Variants in EYS observed in about 807,000 individuals in gnomAD.
The protein encoded by EYS is protein eyes shut homolog.
A neutral mutation model predicts 282.1 loss-of-function variants in EYS; 250 were observed. That is an observed-to-expected ratio of 0.89 (90% CI 0.80 to 0.98). EYS has a LOEUF of 0.98. Ranked by LOEUF, EYS falls within the 50% of genes least tolerant of loss-of-function variation. The probability of loss-of-function intolerance (pLI) is 0.00; values close to 1 mark genes in which losing one functional copy is unlikely to be tolerated. For synonymous variants in EYS, 1,355 were observed against 1,282.9 expected (o/e 1.06, Z -1.20); for missense variants, 4,016 against 3,709.0 (o/e 1.08, Z -2.15).
chr6:65,482,962 T>G (rs1765658534), intron 5 of EYS, among the ~76,000 whole-genome samples: 1 of 152,198 alleles, frequency 6.6e-6, no homozygotes, highest in East Asian at 1.9e-4. Context: ...ATGTATAGCA[T>G]AATAATTTTA....
chr6:64,742,871 A>G (rs1772421661), intron 22 of EYS, among the ~76,000 whole-genome samples: 1 of 152,176 alleles, frequency 6.6e-6, no homozygotes, highest in African/African-American at 2.4e-5. Context: ...GTTTTGTCAA[A>G]GCTTCTCACA....
At chr6:64,901,317 G>T (rs976574746) in intron 18 of EYS, among the ~76,000 whole-genome samples, 54 of 59,680 alleles carry the variant, frequency 9.0e-4, no homozygotes, top group African/African-American at 4.3e-3. Flanking sequence ...TATATATATA[G>T]GCAGATGCCA....
intron 5 of EYS, among the ~76,000 whole-genome samples, chr6:65,429,177 C>CAA (rs749099731): frequency 1.3e-4 from 16 of 125,616 alleles, no homozygotes; most frequent in African/African-American, 4.6e-4. Flanking sequence ...AAAATCATCT[C>CAA]AAAAAAAAAA....
intron 21 of EYS, among the ~76,000 whole-genome samples, chr6:64,814,041 A>G (rs1764677464): frequency 6.6e-6 from 1 of 152,044 alleles, no homozygotes; most frequent in South Asian, 2.1e-4. Context: ...ACTTAGAACA[A>G]ACATTTCACA....
chr6:64,138,671 A>G (rs1241352733), intron 31 of EYS, among the ~76,000 whole-genome samples: 1 of 152,178 alleles, frequency 6.6e-6, no homozygotes, highest in Non-Finnish European at 1.5e-5. Flanking sequence ...ACCCTAGTTG[A>G]CTAGAGAAAA....
chr6:65,251,773 T>C (rs1416626614), intron 12 of EYS, among the ~76,000 whole-genome samples: 2 of 152,028 alleles, frequency 1.3e-5, no homozygotes, highest in Non-Finnish European at 2.9e-5. Context: ...TAGAGAGTGA[T>C]GGGAGAACTC....
At chr6:64,156,022 A>ATG (rs140713143) in intron 31 of EYS, among the ~76,000 whole-genome samples, 10,598 of 146,886 alleles carry the variant, frequency 0.072, 363 homozygotes, top group African/African-American at 0.083. Context: ...GTGTATGTTT[A>ATG]TGTGTGTGTG....
intron 35 of EYS, among the ~76,000 whole-genome samples, chr6:63,900,869 A>G (rs1004277958): frequency 1.3e-5 from 2 of 152,208 alleles, no homozygotes; most frequent in African/African-American, 4.8e-5. Context: ...GACGTCATAA[A>G]TTTAGGCAAG....
chr6:63,804,013 TTTTTTC>T, intron 37 of EYS, among the ~76,000 whole-genome samples: 1 of 152,072 alleles, frequency 6.6e-6, no homozygotes, highest in Non-Finnish European at 1.5e-5. Flanking sequence ...TACAATGATT[TTTTTTC>T]TTTTTCTTTT....
intron 35 of EYS, among the ~76,000 whole-genome samples, chr6:63,969,641 C>T (rs536153322): frequency 5.3e-5 from 8 of 152,254 alleles, no homozygotes; most frequent in South Asian, 2.1e-4. Context: ...TGAAGATCAA[C>T]GATAAATTAA....
intron 7 of EYS, among the ~76,000 whole-genome samples, chr6:65,398,052 T>G (rs1766353990): frequency 6.6e-6 from 1 of 152,104 alleles, no homozygotes; most frequent in Non-Finnish European, 1.5e-5. Context: ...CTTTTATATC[T>G]TCTTTTAAAA....
chr6:64,687,900 C>A (rs1424963442), intron 22 of EYS, among the ~76,000 whole-genome samples: 1 of 152,002 alleles, frequency 6.6e-6, no homozygotes, highest in Non-Finnish European at 1.5e-5. Context: ...AATTTCAGAG[C>A]CTGTTATTAT....
At chr6:65,249,167 T>C (rs679595) in intron 12 of EYS, among the ~76,000 whole-genome samples, 52,102 of 151,604 alleles carry the variant, frequency 0.34, 10,494 homozygotes, top group African/African-American at 0.56. Flanking sequence ...ACTGATATTT[T>C]TCAGAGTATA....
rs568122107 is a variant in EYS at position 65,490,416 on chromosome 6, T to G, written c.862+178A>C. Reference sequence around the variant, plus strand: ...TGCTATAAAACATTTAGCAGTAATATGATTTAATTGTATTAACCAAATTGA... The same window carrying G: ...TGCTATAAAACATTTAGCAGTAATAGGATTTAATTGTATTAACCAAATTGA... On this transcript the variant is annotated intron_variant, in intron 5 of 42. Transcript: ENST00000503581. 8.3e-5 allele frequency: 43 copies of G among 515,538 alleles called. No homozygotes were observed. The East Asian group carries it at 1.3e-3, about 15-fold the overall frequency. 31.9% of individuals were successfully genotyped at this position (515,538 alleles called of 1,614,324 possible). A position where few individuals can be genotyped will look rare whatever the true frequency, so the allele number is the denominator to read the frequency against.
chr6:65,494,417 A>G (rs1168289420), intron 4 of EYS, among the ~76,000 whole-genome samples: 1 of 151,502 alleles, frequency 6.6e-6, no homozygotes, highest in Non-Finnish European at 1.5e-5. Context: ...AGCTGGGACT[A>G]CAGGCGCCCT....
intron 31 of EYS, among the ~76,000 whole-genome samples, chr6:64,120,263 A>G (rs1190212902): frequency 3.3e-4 from 48 of 145,960 alleles, no homozygotes; most frequent in African/African-American, 1.2e-3. Flanking sequence ...GGCTGAGGCG[A>G]GAGAATGGCG....
At chr6:65,402,347 A>T in intron 7 of EYS, 131 bp downstream of exon 7, 1 of 539,774 alleles carries the variant, frequency 1.9e-6, no homozygotes, top group Non-Finnish European at 3.2e-6. Context: ...AATTTACTTT[A>T]ACTTCAAATA....
intron 31 of EYS, among the ~76,000 whole-genome samples, chr6:64,166,796 C>T (rs1764303522): frequency 6.6e-6 from 1 of 152,122 alleles, no homozygotes; most frequent in African/African-American, 2.4e-5. Flanking sequence ...TAACTGATCC[C>T]AGTTTACCTG....
rs186476665 is a variant in EYS at position 64,554,233 on chromosome 6, T to G, written c.5644+35990A>C. Among the ~76,000 whole-genome samples the G allele has an allele frequency of 6.6e-4, 101 of 152,248 alleles. 1 individual carries two copies. Among genetic ancestry groups the G allele is most frequent in the African/African-American group, 2.1e-3 (86 of 41,576 alleles). On this transcript the variant is annotated intron_variant, in intron 26 of 42. Transcript: ENST00000503581. ...GCAAAATAAAACAACACCCTACTTA[T>G]GAATTGAAATTGTAATGCCATTCCA...
Sources: gnomAD v4.1 joint callset for allele counts (sites outside exome capture counted in the v4.1 genomes callset) on GRCh38, gnomAD v4.1.1 for gene constraint, MANE v1.5 for transcripts, NCBI Gene and HGNC (gene_info 2026-07-23, HGNC 2026-07-21) for gene names.